Variants in KCNMB4 observed in about 807,000 individuals in gnomAD.
KCNMB4 encodes potassium calcium-activated channel subfamily M regulatory beta subunit 4.
A neutral mutation model predicts 20.7 loss-of-function variants in KCNMB4; 3 were observed. The observed-to-expected ratio is 0.14, with a 90% CI of 0.07 to 0.37. KCNMB4 has a LOEUF of 0.37. Among genes scored for constraint, KCNMB4 ranks in the 10% least tolerant of loss-of-function variants. KCNMB4 has a pLI of 1.00. For missense variants in KCNMB4, 168 were observed against 265.9 expected, an observed-to-expected ratio of 0.63 and a Z score of 2.56; for synonymous variants, 110 against 113.4, an observed-to-expected ratio of 0.97 and a Z score of 0.19.
At chr12:70,403,308 A>C (rs888760044) in intron 2 of KCNMB4, among the ~76,000 whole-genome samples, 1 of 152,042 alleles carries the variant, frequency 6.6e-6, no homozygotes, top group Non-Finnish European at 1.5e-5. Flanking sequence ...TCACATAACT[A>C]GGCCAGAGGA....
At chr12:70,371,068 G>A (rs1410253635) in intron 1 of KCNMB4, among the ~76,000 whole-genome samples, 1 of 152,012 alleles carries the variant, frequency 6.6e-6, no homozygotes, top group Non-Finnish European at 1.5e-5. Flanking sequence ...TGTTGGCCAG[G>A]CGGGTCTCCA....
At chr12:70,403,180 C>CTTTTATTTTATTTTA (rs3049185) in intron 2 of KCNMB4, among the ~76,000 whole-genome samples, 228 of 149,648 alleles carry the variant, frequency 1.5e-3, no homozygotes, top group Middle Eastern at 7.0e-3. Context: ...TAGTCATCGT[C>CTTTTATTTTATTTTA]TTTTATTTTA....
At chr12:70,408,312 G>A (rs1022035171) in intron 2 of KCNMB4, among the ~76,000 whole-genome samples, 3 of 152,154 alleles carry the variant, frequency 2.0e-5, no homozygotes, top group African/African-American at 7.2e-5. Flanking sequence ...TTTTACTACT[G>A]CTAAATATGA....
At chr12:70,380,875 A>G (rs191374174) in intron 1 of KCNMB4, among the ~76,000 whole-genome samples, 77 of 152,370 alleles carry the variant, frequency 5.1e-4, no homozygotes, top group Admixed American at 1.2e-3. Flanking sequence ...TAAAAGCACA[A>G]GCAACTAAAG....
intron 1 of KCNMB4, among the ~76,000 whole-genome samples, chr12:70,380,583 G>A (rs1228187913): frequency 2.0e-5 from 3 of 151,376 alleles, no homozygotes; most frequent in African/African-American, 7.3e-5. Context: ...CAAAGCTACA[G>A]TACTCAGGAC....
intron 1 of KCNMB4, among the ~76,000 whole-genome samples, chr12:70,386,719 T>C (rs1171532655): frequency 6.6e-6 from 1 of 152,100 alleles, no homozygotes; most frequent in Non-Finnish European, 1.5e-5. Flanking sequence ...TTCTCACACA[T>C]GTGTGCATAG....
chr12:70,412,599 T>TTA (rs1282785816), intron 2 of KCNMB4, among the ~76,000 whole-genome samples: 4 of 152,226 alleles, frequency 2.6e-5, no homozygotes, highest in Admixed American at 6.5e-5. Context: ...TTTAATATAT[T>TTA]TATATGTTGA....
chr12:70,425,794 G>A (rs756055101), intron 2 of KCNMB4, among the ~76,000 whole-genome samples: 1 of 152,190 alleles, frequency 6.6e-6, no homozygotes, highest in East Asian at 1.9e-4. Flanking sequence ...AGTCTTGAAC[G>A]ATTTGCTCTT....
At chr12:70,430,073 G>T (rs1485934395) in intron 2 of KCNMB4, among the ~76,000 whole-genome samples, 1 of 151,240 alleles carries the variant, frequency 6.6e-6, no homozygotes, top group Non-Finnish European at 1.5e-5. Flanking sequence ...GATCATTTGG[G>T]CCACACCTAT....
At chr12:70,423,678 A>G (rs770187986) in intron 2 of KCNMB4, among the ~76,000 whole-genome samples, 1 of 151,972 alleles carries the variant, frequency 6.6e-6, no homozygotes, top group Non-Finnish European at 1.5e-5. Context: ...GGGTCTCCCT[A>G]TGTTGCCCAG....
intron 2 of KCNMB4, among the ~76,000 whole-genome samples, chr12:70,410,343 C>T (rs1158417525): frequency 6.6e-6 from 1 of 152,232 alleles, no homozygotes; most frequent in Non-Finnish European, 1.5e-5. Context: ...CCCACCTTTT[C>T]AGGTATAATT....
At chr12:70,418,888 T>C (rs1382296487) in intron 2 of KCNMB4, among the ~76,000 whole-genome samples, 1 of 152,216 alleles carries the variant, frequency 6.6e-6, no homozygotes, top group Non-Finnish European at 1.5e-5. Context: ...TTTTGCTCAC[T>C]GTGACTAATC....
chr12:70,431,881 T>C lies in KCNMB4; in HGVS notation c.*1228T>C, dbSNP rs1869375698. 6.6e-6 allele frequency: 1 copy of C among 152,206 alleles called. No homozygotes were observed. Among genetic ancestry groups the C allele is most frequent in the African/African-American group, 2.4e-5 (1 of 41,460 alleles). 9.4% of individuals were successfully genotyped at this position (152,206 alleles called of 1,614,324 possible). A position where few individuals can be genotyped will look rare whatever the true frequency, so the allele number is the denominator to read the frequency against. On this transcript the variant is annotated 3_prime_UTR_variant, in exon 3 of 3. Coordinates refer to ENST00000258111, the MANE Select transcript of KCNMB4 (RefSeq NM_014505.6). ...CAACCTAATTTCATTTGTTTTCTTC[T>C]GATACTCTTCAGACATGCCTCTATT...
intron 2 of KCNMB4, among the ~76,000 whole-genome samples, chr12:70,421,470 G>GAAAAA (rs61303899): frequency 6.6e-5 from 5 of 75,672 alleles, no homozygotes; most frequent in Admixed American, 1.7e-4. Flanking sequence ...TCTCAAAAAA[G>GAAAAA]AAAAAAAAAA....
chr12:70,400,067 A>T, intron 1 of KCNMB4, 142 bp from the exon 2 acceptor site: 1 of 579,806 alleles, frequency 1.7e-6, no homozygotes, highest in East Asian at 3.1e-5. Context: ...ATAGTTTAGT[A>T]ATTTCAATTT....
rs200792819 is a variant in KCNMB4 at position 70,388,968 on chromosome 12, C to CTT, written c.337-11230_337-11229dup. Among the ~76,000 whole-genome samples, 12 of 142,170 alleles carry CTT rather than the reference C, an allele frequency of 8.4e-5. No individual in the cohort carries two copies. The East Asian group carries it at 1.8e-3, about 21-fold the overall frequency. 93.3% of individuals were successfully genotyped at this position (142,170 alleles called of 152,430 possible). A position where few individuals can be genotyped will look rare whatever the true frequency, so the allele number is the denominator to read the frequency against. On this transcript the variant is annotated intron_variant, in intron 1 of 2. Transcript: ENST00000258111. ...TAACTGGTTTTAACTATTTTTAGGG[C>CTT]TTTTTTTTTTTTCTGGTTTTTACCT...
chr12:70,368,237 C>G (rs1220113695), intron 1 of KCNMB4, among the ~76,000 whole-genome samples: 1 of 152,012 alleles, frequency 6.6e-6, no homozygotes, highest in Non-Finnish European at 1.5e-5. Context: ...GAAAAAAATT[C>G]TACATTAATA....
At chr12:70,396,706 T>C (rs1050297556) in intron 1 of KCNMB4, among the ~76,000 whole-genome samples, 1 of 152,236 alleles carries the variant, frequency 6.6e-6, no homozygotes, top group African/African-American at 2.4e-5. Flanking sequence ...ACTTGACATA[T>C]AGTCAATAAA....
intron 1 of KCNMB4, among the ~76,000 whole-genome samples, chr12:70,393,306 G>T (rs373178648): frequency 4.9e-4 from 74 of 152,100 alleles, no homozygotes; most frequent in African/African-American, 1.6e-3. Flanking sequence ...GGGTTCAAGC[G>T]ATTCTCCTGC....
Sources: allele counts gnomAD v4.1 joint callset (sites outside exome capture counted in the v4.1 genomes callset), GRCh38; gene constraint gnomAD v4.1.1; transcripts MANE v1.5; gene names NCBI Gene and HGNC (gene_info 2026-07-23, HGNC 2026-07-21).